Variants in ADTRP observed in about 807,000 individuals in gnomAD.
ADTRP encodes androgen dependent TFPI regulating protein.
In ADTRP, 20 loss-of-function variants were observed where a neutral mutation model predicts 27.0. The observed-to-expected ratio is 0.74, with a 90% CI of 0.52 to 1.08. The LOEUF is 1.08. ADTRP is among the 50% of genes least tolerant of loss of function. The probability of loss-of-function intolerance (pLI) is 0.00; values close to 1 mark genes in which losing one functional copy is unlikely to be tolerated. For missense variants in ADTRP, 251 were observed against 275.0 expected, an observed-to-expected ratio of 0.91 and a Z score of 0.62; for synonymous variants, 101 against 105.2, an observed-to-expected ratio of 0.96 and a Z score of 0.25.
At position 11,773,543 on chromosome 6, in the gene ADTRP, C is replaced by T. The variant is rs184211606; in HGVS notation, c.153+5064G>A. Reference sequence around the variant, plus strand: ...GGATGCCAGTTATGGCAGGCAGCAACGCCAGGGAGGGACCTAAACCTTGGT... The same window carrying T: ...GGATGCCAGTTATGGCAGGCAGCAATGCCAGGGAGGGACCTAAACCTTGGT... On this transcript the variant is annotated intron_variant, in intron 1 of 5. Coordinates refer to ENST00000414691, the MANE Select transcript of ADTRP (RefSeq NM_032744.4). Among the ~76,000 whole-genome samples the T allele has an allele frequency of 1.9e-3, 291 of 152,296 alleles. 1 individual carries two copies. The highest frequency in any genetic ancestry group is 6.4e-3 in the African/African-American group (266 of 41,532).
At chr6:11,736,426 C>T (rs1344201966) in intron 3 of ADTRP, 1 of 152,602 alleles carries the variant, frequency 6.6e-6, no homozygotes, top group Non-Finnish European at 1.5e-5. Flanking sequence ...TCGGCATATT[C>T]TCACACACAT....
chr6:11,735,689 G>A lies in ADTRP; in HGVS notation c.391-6C>T, dbSNP rs374498696. 8.1e-6 allele frequency: 13 copies of A among 1,604,892 alleles called. No individual in the cohort carries two copies. Among genetic ancestry groups the A allele is most frequent in the South Asian group, 1.1e-5 (1 of 90,752 alleles). On this transcript the variant is annotated splice_region_variant and splice_polypyrimidine_tract_variant and intron_variant, in intron 3 of 5. Coordinates refer to ENST00000414691, the MANE Select transcript of ADTRP (RefSeq NM_032744.4). ...ATGGGGAATATGAAAGTGTGCTGCA[G>A]GAGAGAAAATGGCAAATCAGAATGG...
At chr6:11,770,079 C>A in intron 1 of ADTRP, 1 of 1,550,832 alleles carries the variant, frequency 6.4e-7, no homozygotes, top group Non-Finnish European at 8.7e-7. Context: ...CAGTCCTGTT[C>A]TTGAGCTAGA....
intron 4 of ADTRP, among the ~76,000 whole-genome samples, chr6:11,732,736 C>T (rs1018873100): frequency 2.6e-5 from 4 of 152,168 alleles, no homozygotes; most frequent in Admixed American, 6.5e-5. Flanking sequence ...CACCCAGTCA[C>T]GTTCCTGCTG....
At chr6:11,743,651 CA>C (rs1400708708) in intron 3 of ADTRP, among the ~76,000 whole-genome samples, 1 of 152,208 alleles carries the variant, frequency 6.6e-6, no homozygotes, top group Non-Finnish European at 1.5e-5. Context: ...GAGATGGAAA[CA>C]ACTCAAGGCT....
intron 1 of ADTRP, among the ~76,000 whole-genome samples, chr6:11,774,099 G>C (rs1763871944): frequency 2.0e-5 from 3 of 152,034 alleles, no homozygotes. Context: ...ACAAGGTCAG[G>C]AGTTTGAGAC....
intron 1 of ADTRP, among the ~76,000 whole-genome samples, chr6:11,778,265 A>G (rs1052250052): frequency 2.0e-5 from 3 of 152,212 alleles, no homozygotes; most frequent in Non-Finnish European, 4.4e-5. Flanking sequence ...TTCCCCAAGC[A>G]AAGTTCAAAA....
At chr6:11,768,147 G>A in intron 2 of ADTRP, 102 bp downstream of exon 2, 2 of 1,416,122 alleles carry the variant, frequency 1.4e-6, no homozygotes, top group South Asian at 1.3e-5. Context: ...TGCAGTGGGT[G>A]TGGTTTCCAA....
chr6:11,722,090 A>C (rs533783298), intron 5 of ADTRP, among the ~76,000 whole-genome samples: 1 of 152,278 alleles, frequency 6.6e-6, no homozygotes, highest in African/African-American at 2.4e-5. Context: ...AAGGAGCCAA[A>C]ACTAGTTAGA....
chr6:11,762,739 T>A (rs1027191172), intron 3 of ADTRP, among the ~76,000 whole-genome samples: 13 of 152,242 alleles, frequency 8.5e-5, no homozygotes, highest in African/African-American at 3.1e-4. Flanking sequence ...TTCTCAATAA[T>A]CATGTACTAT....
At chr6:11,778,278 C>A (rs368664177) in intron 1 of ADTRP, among the ~76,000 whole-genome samples, 2 of 152,228 alleles carry the variant, frequency 1.3e-5, no homozygotes, top group Non-Finnish European at 2.9e-5. Context: ...GTTCAAAATG[C>A]CTCCTGCATT....
chr6:11,733,638 G>A (rs560364399), intron 4 of ADTRP, among the ~76,000 whole-genome samples: 27 of 152,160 alleles, frequency 1.8e-4, no homozygotes, highest in Middle Eastern at 6.8e-3. Flanking sequence ...CCTCTTTCCC[G>A]GACAGCCTCT....
intron 3 of ADTRP, chr6:11,755,182 CCT>C: frequency 1.9e-6 from 1 of 527,682 alleles, no homozygotes; most frequent in Non-Finnish European, 2.4e-6. Flanking sequence ...TACTAAAATT[CCT>C]AGTAACTTCT....
At chr6:11,760,427 G>A (rs985056816) in intron 3 of ADTRP, among the ~76,000 whole-genome samples, 5 of 152,118 alleles carry the variant, frequency 3.3e-5, no homozygotes, top group African/African-American at 9.7e-5. Context: ...AGCTCCAAGA[G>A]ACGACACTGC....
intron 3 of ADTRP, among the ~76,000 whole-genome samples, chr6:11,760,780 T>C (rs1367415106): frequency 6.6e-6 from 1 of 152,212 alleles, no homozygotes; most frequent in Non-Finnish European, 1.5e-5. Context: ...GATTTCCTTA[T>C]TCACAATCCT....
At chr6:11,718,529 T>C (rs972662203) in intron 5 of ADTRP, among the ~76,000 whole-genome samples, 2 of 152,174 alleles carry the variant, frequency 1.3e-5, no homozygotes, top group Admixed American at 1.3e-4. Context: ...CCCCAGTCAA[T>C]GTGGAAGAGA....
chr6:11,761,553 A>T (rs868070828), intron 3 of ADTRP, among the ~76,000 whole-genome samples: 64 of 152,320 alleles, frequency 4.2e-4, no homozygotes, highest in African/African-American at 1.4e-3. Context: ...ATTAGGGACC[A>T]TATTTGATGT....
At chr6:11,769,120 C>T (rs1763674774) in intron 1 of ADTRP, among the ~76,000 whole-genome samples, 1 of 152,142 alleles carries the variant, frequency 6.6e-6, no homozygotes, top group Non-Finnish European at 1.5e-5. Flanking sequence ...AAGCTTTGTA[C>T]ATTCTTGTTG....
intron 5 of ADTRP, among the ~76,000 whole-genome samples, chr6:11,719,073 T>C (rs1440570505): frequency 6.6e-6 from 1 of 152,240 alleles, no homozygotes; most frequent in East Asian, 1.9e-4. Context: ...TCAGCTATTG[T>C]GACCATCACC....
Sources: allele counts gnomAD v4.1 joint callset (sites outside exome capture counted in the v4.1 genomes callset), GRCh38; gene constraint gnomAD v4.1.1; transcripts MANE v1.5; gene names NCBI Gene and HGNC (gene_info 2026-07-23, HGNC 2026-07-21).